The following PDE1A variants were observed in gnomAD, a reference collection of about 807,000 sequenced individuals.
PDE1A encodes the protein phosphodiesterase 1A.
In PDE1A, 35 loss-of-function variants were observed where a neutral mutation model predicts 61.7. The observed-to-expected ratio is 0.57, with a 90% confidence interval of 0.43 to 0.75. The LOEUF is 0.75. PDE1A is among the 30% of genes least tolerant of loss of function. The probability of loss-of-function intolerance (pLI) is 0.00; values close to 1 mark genes in which losing one functional copy is unlikely to be tolerated. For missense variants in PDE1A, 597 were observed against 630.6 expected (o/e 0.95, Z 0.57); for synonymous variants, 232 against 213.2 (o/e 1.09, Z -0.77).
At chr2:182,698,103 G>C in the PDE1A span, among the ~76,000 whole-genome samples, 2 of 152,172 alleles carry the variant, frequency 1.3e-5, no homozygotes, top group East Asian at 1.9e-4. Context: ...TTTTCTCCTA[G>C]CTGTGCTGCT....
chr2:182,341,045 T>C (rs1698149803), intron 1 of PDE1A, among the ~76,000 whole-genome samples: 1 of 152,214 alleles, frequency 6.6e-6, no homozygotes, highest in Admixed American at 6.5e-5. Context: ...TTTAGTATGG[T>C]GCTGAGCATA....
intron 2 of PDE1A, among the ~76,000 whole-genome samples, chr2:182,476,794 G>A (rs1687391434): frequency 6.6e-6 from 1 of 150,850 alleles, no homozygotes; most frequent in South Asian, 2.1e-4. Flanking sequence ...CTGGAATATA[G>A]TAACATAAAA....
intron 1 of PDE1A, among the ~76,000 whole-genome samples, chr2:182,385,558 A>C (rs2125340731): frequency 6.6e-6 from 1 of 152,072 alleles, no homozygotes; most frequent in African/African-American, 2.4e-5. Context: ...TGGATACACA[A>C]AAAAATAAAA....
upstream of PDE1A, among the ~76,000 whole-genome samples, chr2:182,428,573 T>C (rs1232859828): frequency 1.3e-5 from 2 of 152,156 alleles, no homozygotes; most frequent in Admixed American, 6.6e-5. Flanking sequence ...CAGTTAAATA[T>C]ACTGACCATG....
chr2:182,635,055 C>T, the PDE1A span, among the ~76,000 whole-genome samples: 1 of 150,912 alleles, frequency 6.6e-6, no homozygotes, highest in Non-Finnish European at 1.5e-5. Context: ...GGATACCGCT[C>T]ATTATAAAAA....
the PDE1A span, among the ~76,000 whole-genome samples, chr2:182,529,565 A>G: frequency 6.6e-6 from 1 of 152,184 alleles, no homozygotes; most frequent in Non-Finnish European, 1.5e-5. Context: ...AGAAGGCATG[A>G]TTGATTTTGA....
chr2:182,426,290 A>G (rs1370065912), intron 1 of PDE1A, among the ~76,000 whole-genome samples: 1 of 152,244 alleles, frequency 6.6e-6, no homozygotes, highest in Non-Finnish European at 1.5e-5. Flanking sequence ...GCCTACAGAA[A>G]CAGCTAGAGA....
the PDE1A span, among the ~76,000 whole-genome samples, chr2:182,602,988 C>CAT: frequency 1.6e-5 from 2 of 126,018 alleles, no homozygotes; most frequent in African/African-American, 7.6e-5. Context: ...ACATCACACA[C>CAT]ACACACATAC....
intron 13 of PDE1A, among the ~76,000 whole-genome samples, chr2:182,169,285 G>T (rs924322995): frequency 6.6e-6 from 1 of 151,694 alleles, no homozygotes; most frequent in Non-Finnish European, 1.5e-5. Flanking sequence ...AAAGAATATT[G>T]TACATTGAAA....
Position 182,292,825 on chromosome 2 carries a change from A to G in PDE1A, c.54-28411T>C, listed in dbSNP as rs191505105. ...TTTTCCAGTGGTTATAATAATATGC[A>G]TCTATACAAATATCTGTATATATAG... is the stretch of plus-strand genomic sequence containing the variant. On this transcript the variant is annotated intron_variant, in intron 1 of 13. Transcript: ENST00000351439. Among the ~76,000 whole-genome samples the G allele has an allele frequency of 4.9e-3, 753 of 152,164 alleles. 4 individuals carry two copies. The highest frequency in any genetic ancestry group is 0.025 in the South Asian group (120 of 4,828).
At chr2:182,694,127 G>A in the PDE1A span, among the ~76,000 whole-genome samples, 4 of 152,046 alleles carry the variant, frequency 2.6e-5, no homozygotes, top group East Asian at 5.8e-4. Context: ...TATTTATGTC[G>A]TTGATTCATT....
the PDE1A span, among the ~76,000 whole-genome samples, chr2:182,556,380 T>C: frequency 6.6e-6 from 1 of 152,210 alleles, no homozygotes; most frequent in Non-Finnish European, 1.5e-5. Flanking sequence ...TTCAGCTTAC[T>C]TGTAAGCAGT....
chr2:182,326,288 C>T (rs566908123), intron 1 of PDE1A, among the ~76,000 whole-genome samples: 6 of 152,192 alleles, frequency 3.9e-5, no homozygotes, highest in African/African-American at 1.2e-4. Flanking sequence ...TACCATTACT[C>T]GTAACAGCCA....
Position 182,201,536 on chromosome 2 carries a change from G to A in PDE1A, c.1028C>T (p.Ser343Phe), listed in dbSNP as rs199975395. The stretch of plus-strand genomic sequence containing the variant: ...GATGTCTGCTGCGTGGAGAATCAGG[G>A]ACATGGTTTTGGCTCTGTCAATCCT... Residue 343 changes from serine (S) to phenylalanine (F), a missense_variant, in exon 10 of 14, where the codon TCC becomes TTC. Coordinates refer to ENST00000351439, the Ensembl canonical transcript of PDE1A. 83 of 1,612,910 alleles carry A rather than the reference G, an allele frequency of 5.1e-5. 1 individual carries two copies. The highest frequency in any genetic ancestry group is 6.7e-5 in the Non-Finnish European group (79 of 1,179,876).
intron 1 of PDE1A, among the ~76,000 whole-genome samples, chr2:182,376,626 A>G (rs577046594): frequency 5.3e-5 from 8 of 152,296 alleles, no homozygotes; most frequent in African/African-American, 1.7e-4. Flanking sequence ...CCTGTTACCC[A>G]GTTTCAAAGT....
the PDE1A span, among the ~76,000 whole-genome samples, chr2:182,617,908 A>G: frequency 6.6e-6 from 1 of 152,214 alleles, no homozygotes; most frequent in Non-Finnish European, 1.5e-5. Flanking sequence ...CATTTCTAAC[A>G]TAACCTTATC....
At chr2:182,540,104 C>T in the PDE1A span, among the ~76,000 whole-genome samples, 1 of 152,124 alleles carries the variant, frequency 6.6e-6, no homozygotes, top group Admixed American at 6.5e-5. Context: ...GTGGCTCACA[C>T]GTGTAATTCA....
the PDE1A span, among the ~76,000 whole-genome samples, chr2:182,577,052 T>C: frequency 6.6e-6 from 1 of 152,198 alleles, no homozygotes; most frequent in African/African-American, 2.4e-5. Flanking sequence ...ATTGATTGTA[T>C]TATTTGATGC....
chr2:182,657,029 C>T, the PDE1A span, among the ~76,000 whole-genome samples: 1 of 152,134 alleles, frequency 6.6e-6, no homozygotes, highest in Admixed American at 6.5e-5. Flanking sequence ...TCAAGACCAT[C>T]CTAGCCAACA....
Sources: gnomAD v4.1 joint callset for allele counts (sites outside exome capture counted in the v4.1 genomes callset) on GRCh38, gnomAD v4.1.1 for gene constraint, MANE v1.5 for transcripts, NCBI Gene and HGNC (gene_info 2026-07-23, HGNC 2026-07-21) for gene names.